Variants in HCN1 observed in about 807,000 individuals in gnomAD.
HCN1 encodes the protein hyperpolarization activated cyclic nucleotide gated potassium channel 1, also known as potassium/sodium hyperpolarization-activated cyclic nucleotide-gated channel 1.
A neutral mutation model predicts 78.9 loss-of-function variants in HCN1; 13 were observed. The observed-to-expected ratio is 0.16, with a 90% CI of 0.11 to 0.26. The LOEUF (loss-of-function observed/expected upper bound fraction) is 0.26. Among genes scored for constraint, HCN1 ranks in the 10% least tolerant of loss-of-function variants. The probability of loss-of-function intolerance (pLI) is 1.00; values close to 1 mark genes in which losing one functional copy is unlikely to be tolerated. For synonymous variants in HCN1, 552 were observed against 455.5 expected, an observed-to-expected ratio of 1.21 and a Z score of -2.70; for missense variants, 810 against 1,154.3, an observed-to-expected ratio of 0.70 and a Z score of 4.32.
At chr5:45,285,643 T>C (rs1212559890) in intron 6 of HCN1, among the ~76,000 whole-genome samples, 2 of 151,916 alleles carry the variant, frequency 1.3e-5, no homozygotes, top group Admixed American at 6.6e-5. Flanking sequence ...ATCTGAAAAA[T>C]GTAGCCAAGA....
At chr5:45,624,004 T>G (rs1276809669) in intron 2 of HCN1, among the ~76,000 whole-genome samples, 2 of 152,068 alleles carry the variant, frequency 1.3e-5, no homozygotes, top group Non-Finnish European at 2.9e-5. Context: ...AAACCATGAG[T>G]CAAGGGCACT....
At chr5:45,635,409 A>G (rs891430411) in intron 2 of HCN1, among the ~76,000 whole-genome samples, 1 of 152,080 alleles carries the variant, frequency 6.6e-6, no homozygotes, top group East Asian at 1.9e-4. Flanking sequence ...AACAATCTCA[A>G]TGGGAAACCC....
At chr5:45,349,934 C>T (rs1746850668) in intron 5 of HCN1, among the ~76,000 whole-genome samples, 1 of 152,144 alleles carries the variant, frequency 6.6e-6, no homozygotes, top group Non-Finnish European at 1.5e-5. Flanking sequence ...CAGCCGAATT[C>T]CACCAGAGGT....
intron 5 of HCN1, among the ~76,000 whole-genome samples, chr5:45,315,171 T>A (rs371856550): frequency 1.3e-5 from 2 of 151,970 alleles, no homozygotes; most frequent in Non-Finnish European, 2.9e-5. Flanking sequence ...GAAGTAAAGC[T>A]CTCCTCAGCA....
At chr5:45,599,061 T>G (rs1258634978) in intron 2 of HCN1, among the ~76,000 whole-genome samples, 2 of 152,182 alleles carry the variant, frequency 1.3e-5, no homozygotes, top group Non-Finnish European at 2.9e-5. Context: ...ATCCCTTTAT[T>G]GGGTACATAC....
intron 4 of HCN1, among the ~76,000 whole-genome samples, chr5:45,375,807 T>TATATA (rs1296595693): frequency 8.7e-6 from 1 of 115,542 alleles, no homozygotes; most frequent in Non-Finnish European, 1.6e-5. Flanking sequence ...ATATATCTTA[T>TATATA]ATATAATATA....
chr5:45,295,043 C>A (rs983155157), intron 6 of HCN1, among the ~76,000 whole-genome samples: 5 of 152,012 alleles, frequency 3.3e-5, no homozygotes, highest in African/African-American at 7.2e-5. Context: ...GGAGTCCAGA[C>A]ACTCCTTTTG....
chr5:45,525,449 G>A (rs541449432), intron 2 of HCN1, among the ~76,000 whole-genome samples: 17 of 151,122 alleles, frequency 1.1e-4, no homozygotes, highest in African/African-American at 7.3e-5. Context: ...GTTTAATATC[G>A]ACATCAAATA....
intron 5 of HCN1, among the ~76,000 whole-genome samples, chr5:45,329,872 C>A (rs1005313920): frequency 6.6e-6 from 1 of 151,202 alleles, no homozygotes; most frequent in African/African-American, 2.4e-5. Flanking sequence ...TTTTATTTAA[C>A]CTTACAACCA....
chr5:45,335,933 G>A (rs560605745), intron 5 of HCN1, among the ~76,000 whole-genome samples: 3 of 152,034 alleles, frequency 2.0e-5, no homozygotes, highest in Non-Finnish European at 2.9e-5. Flanking sequence ...TCTGGTAATC[G>A]TGATGTGAAA....
chr5:45,267,959 T>A (rs1194301212), intron 6 of HCN1, among the ~76,000 whole-genome samples: 1 of 152,078 alleles, frequency 6.6e-6, no homozygotes, highest in Non-Finnish European at 1.5e-5. Flanking sequence ...AAAGGGGTGA[T>A]GATTAGAAAG....
At chr5:45,427,341 A>T (rs1740372736) in intron 3 of HCN1, among the ~76,000 whole-genome samples, 1 of 152,002 alleles carries the variant, frequency 6.6e-6, no homozygotes, top group Non-Finnish European at 1.5e-5. Flanking sequence ...ACACTGGCTT[A>T]TCTTGTTTAT....
At chr5:45,572,179 G>T (rs1276194255) in intron 2 of HCN1, among the ~76,000 whole-genome samples, 1 of 151,948 alleles carries the variant, frequency 6.6e-6, no homozygotes, top group African/African-American at 2.4e-5. Flanking sequence ...TAATGCCAAA[G>T]GATAAATAAA....
intron 2 of HCN1, among the ~76,000 whole-genome samples, chr5:45,539,242 C>T (rs1447643902): frequency 1.3e-5 from 2 of 151,964 alleles, no homozygotes; most frequent in African/African-American, 4.8e-5. Context: ...AGCTTAGTTG[C>T]TTTCTTTTCT....
At chr5:45,385,004 T>C in intron 4 of HCN1, among the ~76,000 whole-genome samples, 1 of 152,178 alleles carries the variant, frequency 6.6e-6, no homozygotes, top group East Asian at 1.9e-4. Context: ...AACAGACAAC[T>C]TTTAAACTAA....
intron 5 of HCN1, among the ~76,000 whole-genome samples, chr5:45,308,426 T>C (rs1373744272): frequency 6.6e-6 from 1 of 152,146 alleles, no homozygotes; most frequent in Admixed American, 6.6e-5. Flanking sequence ...AAAATAAATA[T>C]GATTTTGTCA....
chr5:45,548,365 T>A (rs991718409), intron 2 of HCN1, among the ~76,000 whole-genome samples: 3 of 151,938 alleles, frequency 2.0e-5, no homozygotes, highest in African/African-American at 7.2e-5. Context: ...ATGATGATCA[T>A]CTGGATTAAG....
At chr5:45,306,075 G>A (rs557642131) in intron 5 of HCN1, among the ~76,000 whole-genome samples, 2 of 152,034 alleles carry the variant, frequency 1.3e-5, no homozygotes, top group African/African-American at 4.8e-5. Flanking sequence ...GTGACGTGGA[G>A]TTAAAAGAAG....
intron 6 of HCN1, among the ~76,000 whole-genome samples, chr5:45,292,539 C>A (rs986499935): frequency 1.3e-5 from 2 of 151,846 alleles, no homozygotes; most frequent in African/African-American, 4.8e-5. Context: ...AATTAGAAAA[C>A]AATTTAAAAG....
Sources: allele counts gnomAD v4.1 joint callset (sites outside exome capture counted in the v4.1 genomes callset), GRCh38; gene constraint gnomAD v4.1.1; transcripts MANE v1.5; gene names NCBI Gene and HGNC (gene_info 2026-07-23, HGNC 2026-07-21).